DNAJC17: variants seen among roughly 807,000 people sequenced by gnomAD.
The protein encoded by DNAJC17 is DnaJ heat shock protein family (Hsp40) member C17.
Under a neutral mutation model 48.1 loss-of-function variants are expected in DNAJC17, and 35 were observed. The observed-to-expected ratio is 0.73, with a 90% CI of 0.56 to 0.96. The LOEUF is 0.96. Among genes scored for constraint, DNAJC17 ranks in the 50% least tolerant of loss-of-function variants. DNAJC17 has a pLI of 0.00. For missense variants in DNAJC17, 355 were observed against 377.1 expected (o/e 0.94, Z 0.48); for synonymous variants, 117 against 142.7 (o/e 0.82, Z 1.28).
At chr15:40,783,819 T>C (rs1403870748) in intron 1 of DNAJC17, among the ~76,000 whole-genome samples, 1 of 152,164 alleles carries the variant, frequency 6.6e-6, no homozygotes, top group African/African-American at 2.4e-5. Context: ...GCTGAGATCG[T>C]GTCACTGTAC....
At chr15:40,798,279 G>A (rs1402102021) in intron 1 of DNAJC17, among the ~76,000 whole-genome samples, 2 of 152,142 alleles carry the variant, frequency 1.3e-5, no homozygotes, top group Non-Finnish European at 2.9e-5. Flanking sequence ...TTTATATGAG[G>A]TTCATAGAAT....
rs1024978931 is a variant in DNAJC17, at chr15:40,766,877, G to C, written c.*1063C>G. 12 of 171,686 alleles carry C rather than the reference G, an allele frequency of 7.0e-5. No homozygotes were observed. The highest frequency in any genetic ancestry group is 2.8e-4 in the African/African-American group (12 of 42,278). 10.6% of individuals were successfully genotyped at this position (171,686 alleles called of 1,614,324 possible). ...AGCCTCAGCCTCCTCCTACCTGGAA[G>C]CCTGGGTGGGGAGCAAGCCCAGGGA... On this transcript the variant is annotated 3_prime_UTR_variant, in exon 11 of 11. Coordinates refer to ENST00000220496, the MANE Select transcript of DNAJC17 (RefSeq NM_018163.3).
chr15:40,789,887 CAG>C (rs1889746614), intron 1 of DNAJC17, among the ~76,000 whole-genome samples: 1 of 81,878 alleles, frequency 1.2e-5, no homozygotes, highest in Middle Eastern at 0.019. Flanking sequence ...GCCTGGGAGA[CAG>C]AGACAGACTG....
intron 1 of DNAJC17, among the ~76,000 whole-genome samples, chr15:40,803,670 C>T (rs991933898): frequency 1.3e-5 from 2 of 152,178 alleles, no homozygotes; most frequent in Admixed American, 1.3e-4. Flanking sequence ...AAACTAATAG[C>T]AATCTCAGCC....
intron 1 of DNAJC17, among the ~76,000 whole-genome samples, chr15:40,804,987 G>A (rs1890163755): frequency 6.6e-6 from 1 of 152,122 alleles, no homozygotes; most frequent in African/African-American, 2.4e-5. Flanking sequence ...AGGCAAGAGA[G>A]TGAGACTCCG....
rs1393273641 is a variant in DNAJC17 at position 40,765,446 on chromosome 15, T to C, written c.*2494A>G. 1.3e-5 allele frequency: 2 copies of C among 156,580 alleles called. No homozygotes were observed. Among genetic ancestry groups the C allele is most frequent in the African/African-American group, 2.4e-5 (1 of 41,662 alleles). The allele number at this position is 156,580 out of a possible 1,614,324, so 9.7% of individuals were successfully genotyped here. ...TTTCATTTACATGTTTATTTTGTTTTGTTTTTTTGAAATGGAGTCTCACTC... is the reference window on the plus strand; with the variant it reads ...TTTCATTTACATGTTTATTTTGTTTCGTTTTTTTGAAATGGAGTCTCACTC... On this transcript the variant is annotated 3_prime_UTR_variant, in exon 11 of 11. Transcript: ENST00000220496.
intron 1 of DNAJC17, among the ~76,000 whole-genome samples, chr15:40,782,532 G>A (rs16971004): frequency 0.05 from 7,615 of 152,116 alleles, 651 homozygotes; most frequent in African/African-American, 0.18. Context: ...TGAAGACAGT[G>A]TACACAACCC....
intron 4 of DNAJC17, among the ~76,000 whole-genome samples, chr15:40,778,052 C>T (rs924248510): frequency 6.6e-6 from 1 of 151,820 alleles, no homozygotes; most frequent in African/African-American, 2.4e-5. Context: ...CCCAGCCGGG[C>T]ACAGCGGCTC....
chr15:40,770,452 C>T lies in DNAJC17; in HGVS notation c.793-2390G>A, dbSNP rs948270108. 1.7e-5 allele frequency: 25 copies of T among 1,512,726 alleles called. No individual in the cohort carries two copies. Among genetic ancestry groups the T allele is most frequent in the Middle Eastern group, 4.6e-4 (2 of 4,386 alleles). The allele number at this position is 1,512,726 out of a possible 1,614,324, so 93.7% of individuals were successfully genotyped here. ...CTGCCCCAGCAGGGACCACATGCACCCTGGCTGCTCCTGAACACCTGTCTG... is the reference window on the plus strand; with the variant it reads ...CTGCCCCAGCAGGGACCACATGCACTCTGGCTGCTCCTGAACACCTGTCTG... On this transcript the variant is annotated intron_variant, in intron 10 of 10. Transcript: ENST00000220496. This position sits in a 1 kb window ranked among gnomAD's most constrained non-coding sequence, Gnocchi z 5.0.
At chr15:40,804,233 G>A (rs1890148013) in intron 1 of DNAJC17, among the ~76,000 whole-genome samples, 1 of 151,856 alleles carries the variant, frequency 6.6e-6, no homozygotes, top group East Asian at 1.9e-4. Context: ...GCCTCCCAAA[G>A]TGCTGGGATT....
intron 1 of DNAJC17, among the ~76,000 whole-genome samples, chr15:40,785,005 G>A (rs1889603261): frequency 6.6e-6 from 1 of 152,008 alleles, no homozygotes; most frequent in Non-Finnish European, 1.5e-5. Context: ...GGCTGAGGCA[G>A]GACAATCGCT....
intron 1 of DNAJC17, among the ~76,000 whole-genome samples, chr15:40,796,978 G>C (rs1255531464): frequency 6.6e-6 from 1 of 152,004 alleles, no homozygotes; most frequent in Admixed American, 6.6e-5. Context: ...TGTTGCTCAG[G>C]CTGATCTCAA....
intron 1 of DNAJC17, among the ~76,000 whole-genome samples, chr15:40,801,737 C>CAAAAAAAA (rs1048222450): frequency 1.6e-5 from 1 of 63,832 alleles, no homozygotes. Context: ...GACTCCGTCT[C>CAAAAAAAA]AAAAAAAAAA....
intron 1 of DNAJC17, among the ~76,000 whole-genome samples, chr15:40,787,897 G>C (rs1450994162): frequency 4.6e-5 from 7 of 152,134 alleles, no homozygotes; most frequent in African/African-American, 1.7e-4. Context: ...CTACAAAGAA[G>C]GGATCATTAT....
At chr15:40,777,111 G>A (rs908864127) in intron 4 of DNAJC17, among the ~76,000 whole-genome samples, 1 of 152,146 alleles carries the variant, frequency 6.6e-6, no homozygotes, top group Non-Finnish European at 1.5e-5. Flanking sequence ...CTACAGGGAT[G>A]GGCAGAGTGT....
intron 10 of DNAJC17, chr15:40,771,310 GGGAGGCTGTGCCGGGA>G: frequency 2.3e-6 from 1 of 444,392 alleles, no homozygotes; most frequent in African/African-American, 2.5e-5. Context: ...TGCCGGGAAA[GGGAGGCTGTGCCGGGA>G]AAGGGAGGCT....
intron 1 of DNAJC17, among the ~76,000 whole-genome samples, chr15:40,786,603 T>A (rs1889649431): frequency 6.6e-6 from 1 of 152,242 alleles, no homozygotes; most frequent in Admixed American, 6.5e-5. Flanking sequence ...TTTTCTTCTT[T>A]ACCTATAGGT....
At chr15:40,774,488 C>G (rs547758557) in intron 8 of DNAJC17, 52 bp from the exon 9 acceptor site, 1 of 1,596,228 alleles carries the variant, frequency 6.3e-7, no homozygotes, top group South Asian at 1.1e-5. Context: ...CAGGATGGCC[C>G]AGGTCATGCC....
chr15:40,802,161 G>T (rs575688483), intron 1 of DNAJC17, among the ~76,000 whole-genome samples: 28 of 149,168 alleles, frequency 1.9e-4, no homozygotes, highest in Non-Finnish European at 4.0e-4. Flanking sequence ...AGAATTGAAA[G>T]AGTTCAATTT....
Sources: gnomAD v4.1 joint callset for allele counts (sites outside exome capture counted in the v4.1 genomes callset) on GRCh38, gnomAD v4.1.1 for gene constraint, Gnocchi (gnomAD v3.1) non-coding constraint, MANE v1.5 for transcripts, NCBI Gene and HGNC (gene_info 2026-07-23, HGNC 2026-07-21) for gene names.